Variants in REDIC1 observed in about 807,000 individuals in gnomAD.
REDIC1 encodes the protein HEI10 Interacting Protein 1.
At chr12:39,714,032 T>A in the REDIC1 span, among the ~76,000 whole-genome samples, 1 of 147,506 alleles carries the variant, frequency 6.8e-6, no homozygotes, top group Admixed American at 6.8e-5. Context: ...TAAGTATATA[T>A]ACATGTATAT....
At chr12:39,713,587 T>G in the REDIC1 span, among the ~76,000 whole-genome samples, 1 of 149,794 alleles carries the variant, frequency 6.7e-6, no homozygotes, top group Non-Finnish European at 1.5e-5. Flanking sequence ...TGTATACACA[T>G]GTATAGATAC....
At chr12:39,712,964 CGTGTATATGTATATATACATGTGTATAT>C in the REDIC1 span, among the ~76,000 whole-genome samples, 1 of 17,162 alleles carries the variant, frequency 5.8e-5, no homozygotes, top group African/African-American at 2.2e-4. Flanking sequence ...TATGCATATA[CGTGTATATGTATATATACATGTGTATAT>C]ACGTGTATAT....
chr12:39,907,360 T>A, the REDIC1 span, among the ~76,000 whole-genome samples: 4 of 152,220 alleles, frequency 2.6e-5, no homozygotes, highest in African/African-American at 7.2e-5. Context: ...ATTTTCTCAA[T>A]GAAGAAAGAG....
the REDIC1 span, chr12:39,683,017 A>T: frequency 6.2e-7 from 1 of 1,613,262 alleles, no homozygotes; most frequent in South Asian, 1.1e-5. Context: ...TTTGAATAAA[A>T]CAAGTTATCC....
At chr12:39,664,602 T>A in the REDIC1 span, among the ~76,000 whole-genome samples, 45 of 152,260 alleles carry the variant, frequency 3.0e-4, no homozygotes, top group Middle Eastern at 3.4e-3. Context: ...GTAATGGGAT[T>A]GCTGGGTCAA....
At chr12:39,851,076 C>A in the REDIC1 span, among the ~76,000 whole-genome samples, 1 of 151,792 alleles carries the variant, frequency 6.6e-6, no homozygotes, top group African/African-American at 2.4e-5. Flanking sequence ...ATTTTTGTAT[C>A]TTTAGTAGAG....
chr12:39,705,784 A>G, the REDIC1 span, among the ~76,000 whole-genome samples: 1 of 152,096 alleles, frequency 6.6e-6, no homozygotes, highest in Non-Finnish European at 1.5e-5. Context: ...AAAACCTTCA[A>G]AAAATGAATA....
chr12:39,852,140 G>A, the REDIC1 span, among the ~76,000 whole-genome samples: 1 of 152,122 alleles, frequency 6.6e-6, no homozygotes, highest in African/African-American at 2.4e-5. Context: ...CTTGTTATGA[G>A]GTTTGTATAA....
At chr12:39,646,300 AAATTAT>A in the REDIC1 span, 9 of 727,594 alleles carry the variant, frequency 1.2e-5, no homozygotes, top group Non-Finnish European at 1.8e-5. Flanking sequence ...TCTTATTTTA[AAATTAT>A]AATTATATAT....
the REDIC1 span, among the ~76,000 whole-genome samples, chr12:39,712,719 A>G: frequency 2.4e-4 from 4 of 16,890 alleles, no homozygotes; most frequent in African/African-American, 4.6e-4. Context: ...ATATAGACGT[A>G]TACGTGTATA....
chr12:39,837,109 C>A, the REDIC1 span, among the ~76,000 whole-genome samples: 898 of 100,588 alleles, frequency 8.9e-3, 8 homozygotes, highest in African/African-American at 0.037. Flanking sequence ...GCTACAGTAA[C>A]CAAAACAGCA....
chr12:39,628,164 CT>C, the REDIC1 span, among the ~76,000 whole-genome samples: 2 of 152,114 alleles, frequency 1.3e-5, no homozygotes, highest in African/African-American at 2.4e-5. Flanking sequence ...GTGTGATCAA[CT>C]TTCACACAAA....
chr12:39,710,061 A>C, the REDIC1 span, among the ~76,000 whole-genome samples: 1 of 151,834 alleles, frequency 6.6e-6, no homozygotes, highest in South Asian at 2.1e-4. Context: ...AGATCTTTTT[A>C]AATGGTGAAT....
At chr12:39,660,981 C>T in the REDIC1 span, among the ~76,000 whole-genome samples, 1 of 152,126 alleles carries the variant, frequency 6.6e-6, no homozygotes, top group East Asian at 1.9e-4. Flanking sequence ...GCAAATGACA[C>T]GATTTCATTC....
the REDIC1 span, among the ~76,000 whole-genome samples, chr12:39,897,595 C>T: frequency 2.0e-5 from 3 of 152,084 alleles, no homozygotes; most frequent in African/African-American, 7.2e-5. Flanking sequence ...ATGGCAGGAA[C>T]CAACCACATG....
At chr12:39,850,319 G>A in the REDIC1 span, among the ~76,000 whole-genome samples, 162 of 152,144 alleles carry the variant, frequency 1.1e-3, no homozygotes, top group Non-Finnish European at 1.8e-3. Flanking sequence ...GGCAGCCTCC[G>A]GATATTAAAA....
chr12:39,713,677 G>C, the REDIC1 span, among the ~76,000 whole-genome samples: 1 of 144,300 alleles, frequency 6.9e-6, no homozygotes, highest in Admixed American at 6.9e-5. Context: ...ACATATGTAT[G>C]TATGCCTGTA....
chr12:39,859,830 T>C, the REDIC1 span, among the ~76,000 whole-genome samples: 1 of 152,122 alleles, frequency 6.6e-6, no homozygotes, highest in East Asian at 1.9e-4. Flanking sequence ...CTGGCCTTAA[T>C]TGAGAAGTAT....
chr12:39,812,313 A>G, the REDIC1 span, among the ~76,000 whole-genome samples: 2 of 145,680 alleles, frequency 1.4e-5, no homozygotes, highest in African/African-American at 5.4e-5. Context: ...ACCTCTAAAT[A>G]TCCTCACATT....
Sources: allele counts gnomAD v4.1 joint callset (sites outside exome capture counted in the v4.1 genomes callset), GRCh38; gene constraint gnomAD v4.1.1; transcripts MANE v1.5; gene names NCBI Gene and HGNC (gene_info 2026-07-23, HGNC 2026-07-21).